TRPA1: variants seen among roughly 807,000 people sequenced by gnomAD.
The protein encoded by TRPA1 is ankyrin-like with transmembrane domains 1.
TRPA1 carries 129 observed loss-of-function variants against 131.3 expected under a neutral mutation model. The observed-to-expected ratio is 0.98, with a 90% CI of 0.85 to 1.14. The LOEUF is 1.14. Ranked by LOEUF, TRPA1 falls within the 50% of genes most tolerant of loss-of-function variation. The pLI, the probability that TRPA1 is intolerant of heterozygous loss-of-function variation, is 0.00. For synonymous variants in TRPA1, 441 were observed against 451.7 expected, an observed-to-expected ratio of 0.98 and a Z score of 0.30; for missense variants, 1,304 against 1,354.2, an observed-to-expected ratio of 0.96 and a Z score of 0.58.
In TRPA1 at chr8:72,029,901, C is replaced by A; in HGVS notation, c.2937G>T (p.Gln979His). The A allele has an allele frequency of 6.2e-7, 1 of 1,613,818 alleles. No individual in the cohort carries two copies. The highest frequency in any genetic ancestry group is 2.2e-5 in the East Asian group (1 of 44,878). ...KHASLKRIAMQVELHTSLEKK... is the reference protein window; with the variant it reads ...KHASLKRIAMHVELHTSLEKK... ...ATAAGTGGGGAGGCACTGCACTTAC[C>A]TGCATAGCTATCCTCTTCAATGATG... The change falls in exon 24 of 27, where the codon CAG (glutamine) becomes CAT (histidine). Residue 979 changes from glutamine to histidine, a missense_variant and splice_region_variant. Gln to His is a conservative substitution (Grantham distance 24). Transcript: ENST00000262209.
rs763497557 is a variant in TRPA1, at chr8:72,056,903, C to T, written c.1194+14G>A. The T allele has an allele frequency of 2.5e-6, 4 of 1,578,296 alleles. No homozygotes were observed. The highest frequency in any genetic ancestry group is 3.5e-6 in the Non-Finnish European group (4 of 1,152,566). Reference sequence around the variant, plus strand: ...ACCCAACTCAGTTAATGGCAATCCACAGATATACATTACCTGCATAAATTC... The same window carrying T: ...ACCCAACTCAGTTAATGGCAATCCATAGATATACATTACCTGCATAAATTC... On this transcript the variant is annotated intron_variant, in intron 10 of 26. Coordinates refer to ENST00000262209, the MANE Select transcript of TRPA1 (RefSeq NM_007332.3).
intron 5 of TRPA1, 100 bp from the exon 6 acceptor site, chr8:72,063,044 G>A: frequency 8.6e-7 from 1 of 1,166,466 alleles, no homozygotes; most frequent in Non-Finnish European, 1.2e-6. Context: ...AACAATGAAA[G>A]GGCACCGAGA....
chr8:72,025,925 T>A, intron 25 of TRPA1, 35 bp downstream of exon 25: 5 of 1,547,988 alleles, frequency 3.2e-6, no homozygotes, highest in Non-Finnish European at 4.5e-6. Context: ...AACAGTGTCA[T>A]GTTACTGATG....
Position 72,051,930 on chromosome 8 carries a change from A to G in TRPA1, c.1811+669T>C, listed in dbSNP as rs530155705. Among the ~76,000 whole-genome samples the G allele has an allele frequency of 6.0e-4, 91 of 152,314 alleles. 1 individual carries two copies. Among genetic ancestry groups the G allele is most frequent in the South Asian group, 5.2e-3 (25 of 4,826 alleles). On this transcript the variant is annotated intron_variant, in intron 14 of 26. Coordinates refer to ENST00000262209, the MANE Select transcript of TRPA1 (RefSeq NM_007332.3). The stretch of plus-strand genomic sequence containing the variant: ...AAACTAAAGATCAGAGAGGTTAAGC[A>G]ATGTGCCTGTTGTCATCCAAAAGAA...
At chr8:72,038,329 C>A (rs1383076015) in intron 19 of TRPA1, among the ~76,000 whole-genome samples, 5 of 151,916 alleles carry the variant, frequency 3.3e-5, no homozygotes, top group African/African-American at 1.2e-4. Flanking sequence ...GAATATGAAT[C>A]TGTAGGCCAA....
chr8:72,068,990 G>A, intron 3 of TRPA1, 33 bp downstream of exon 3: 1 of 1,613,598 alleles, frequency 6.2e-7, no homozygotes, highest in South Asian at 1.1e-5. Flanking sequence ...TGCACCGCCG[G>A]TCAGGCCCTT....
At chr8:72,036,479 A>T (rs757305663) in intron 20 of TRPA1, 22 bp from the exon 21 acceptor site, 1 of 1,603,778 alleles carries the variant, frequency 6.2e-7, no homozygotes. Flanking sequence ...AAGAATAAAA[A>T]ATTACCACAT....
chr8:72,084,503 A>G, the TRPA1 span, among the ~76,000 whole-genome samples: 1 of 151,726 alleles, frequency 6.6e-6, no homozygotes, highest in African/African-American at 2.4e-5. Flanking sequence ...TTCTTATGAA[A>G]TGTTTTCTGC....
intron 14 of TRPA1, among the ~76,000 whole-genome samples, chr8:72,051,352 C>G (rs948061730): frequency 6.6e-6 from 1 of 152,134 alleles, no homozygotes; most frequent in Non-Finnish European, 1.5e-5. Flanking sequence ...TAAGCATAGC[C>G]TCTGCCAGAA....
chr8:72,073,547 GA>G, intron 1 of TRPA1, among the ~76,000 whole-genome samples: 1 of 152,124 alleles, frequency 6.6e-6, no homozygotes, highest in Non-Finnish European at 1.5e-5. Context: ...TTTACAAAAT[GA>G]TATGGAACTA....
chr8:72,038,930 T>C lies in TRPA1; in HGVS notation c.2230A>G (p.Met744Val). 1 of 1,613,102 alleles carries C rather than the reference T, an allele frequency of 6.2e-7. No homozygotes were observed. The highest frequency in any genetic ancestry group is 8.5e-7 in the Non-Finnish European group (1 of 1,179,406). The change falls in exon 19 of 27, where the codon ATG becomes GTG. Residue 744 changes from methionine (M) to valine (V), a missense_variant. Physicochemically the swap from Met to Val is conservative, Grantham distance 21. Transcript: ENST00000262209. ...ATGATGCCAGTTGAGTTGAAAGCCA[T>C]TCCTGGTTTTATATTGACAACGAGA... ...TILVVNIKPG[M>V]AFNSTGIINE...
chr8:72,076,366 AC>A (rs147565779), upstream of TRPA1, among the ~76,000 whole-genome samples: 1,712 of 152,300 alleles, frequency 0.011, 27 homozygotes, highest in African/African-American at 0.036. Context: ...GGCTGGTTCT[AC>A]TTTTACGTAC....
intron 21 of TRPA1, 112 bp downstream of exon 21, chr8:72,036,176 G>A: frequency 8.7e-7 from 1 of 1,144,136 alleles, no homozygotes; most frequent in East Asian, 2.5e-5. Context: ...TTCATATTTT[G>A]AAACAACTGG....
intron 14 of TRPA1, 47 bp from the exon 15 acceptor site, chr8:72,050,918 G>A (rs1585868404): frequency 7.6e-7 from 1 of 1,315,756 alleles, no homozygotes; most frequent in South Asian, 1.2e-5. Flanking sequence ...TCATCCTTCT[G>A]TTCTGTACAA....
At chr8:72,046,456 T>TAAAA in intron 17 of TRPA1, 57 bp downstream of exon 17, 5 of 831,484 alleles carry the variant, frequency 6.0e-6, no homozygotes, top group Non-Finnish European at 7.0e-6. Flanking sequence ...TAAAGTATAA[T>TAAAA]AAAAAAAAAA....
upstream of TRPA1, among the ~76,000 whole-genome samples, chr8:72,080,312 T>C (rs986249959): frequency 1.4e-5 from 2 of 140,912 alleles, no homozygotes; most frequent in Non-Finnish European, 3.0e-5. Flanking sequence ...GAGGAAAATA[T>C]TTTATAATTT....
chr8:72,038,143 C>G (rs1812118693), intron 19 of TRPA1, 71 bp from the exon 20 acceptor site: 2 of 814,692 alleles, frequency 2.5e-6, no homozygotes, highest in South Asian at 3.3e-5. Flanking sequence ...ATAATTTTCA[C>G]TATTAAATTT....
chr8:72,052,997 G>GTGTGTGTGTGTGTGTGTGTGTT, intron 13 of TRPA1: 1 of 329,548 alleles, frequency 3.0e-6, no homozygotes, highest in Non-Finnish European at 5.7e-6. Context: ...GTGTGTGTGA[G>GTGTGTGTGTGTGTGTGTGTGTT]AGATAGAGAA....
In TRPA1 at chr8:72,075,298, C is replaced by G. The variant is rs371591017; in HGVS notation, c.111+1G>C. The G allele has an allele frequency of 3.7e-6, 6 of 1,612,488 alleles. No individual in the cohort carries two copies. Among genetic ancestry groups the G allele is most frequent in the Non-Finnish European group, 5.1e-6 (6 of 1,179,158 alleles). On this transcript the variant is annotated splice_donor_variant, in intron 1 of 26. Coordinates refer to ENST00000262209, the MANE Select transcript of TRPA1 (RefSeq NM_007332.3). LOFTEE classifies it high-confidence loss of function. ...TCCAGACCCGCGAGCCCCCAGAGTACCTTAAGCGATTCCTTGAAATCCTCC... is the reference window on the plus strand; with the variant it reads ...TCCAGACCCGCGAGCCCCCAGAGTAGCTTAAGCGATTCCTTGAAATCCTCC...
Sources: gnomAD v4.1 joint callset for allele counts (sites outside exome capture counted in the v4.1 genomes callset) on GRCh38, gnomAD v4.1.1 for gene constraint, MANE v1.5 for transcripts, NCBI Gene and HGNC (gene_info 2026-07-23, HGNC 2026-07-21) for gene names.